Variants in PRDM16 observed in about 807,000 individuals in gnomAD.
PRDM16 encodes histone-lysine N-methyltransferase PRDM16.
A neutral mutation model predicts 110.6 loss-of-function variants in PRDM16; 23 were observed. The observed-to-expected ratio is 0.21, with a 90% CI of 0.15 to 0.29. The LOEUF (loss-of-function observed/expected upper bound fraction) is 0.29. PRDM16 is among the 10% of genes least tolerant of loss of function. PRDM16 has a pLI of 1.00. For missense variants in PRDM16, 1,615 were observed against 1,794.3 expected (o/e 0.90, Z 1.81); for synonymous variants, 799 against 781.8 (o/e 1.02, Z -0.37).
At chr1:3,277,289 C>T (rs549577798) in intron 3 of PRDM16, among the ~76,000 whole-genome samples, 23 of 152,322 alleles carry the variant, frequency 1.5e-4, no homozygotes, top group African/African-American at 5.1e-4. Context: ...CTGCGCCACC[C>T]GGGGATGGCA....
chr1:3,354,782 G>T (rs1278798679), intron 3 of PRDM16, among the ~76,000 whole-genome samples: 1 of 152,190 alleles, frequency 6.6e-6, no homozygotes, highest in Non-Finnish European at 1.5e-5. Context: ...CAGGCAAGAG[G>T]CTCCTGATAC....
At chr1:3,417,559 T>C (rs1284572721) in intron 10 of PRDM16, among the ~76,000 whole-genome samples, 2 of 152,224 alleles carry the variant, frequency 1.3e-5, no homozygotes, top group African/African-American at 4.8e-5. Flanking sequence ...GCAGTGAGGC[T>C]GGTTGCTAAA....
At chr1:3,170,977 C>G (rs765890489) in intron 1 of PRDM16, among the ~76,000 whole-genome samples, 5 of 152,250 alleles carry the variant, frequency 3.3e-5, no homozygotes, top group Non-Finnish European at 5.9e-5. Context: ...CTCCCCAGCC[C>G]GTCTTGGCTA....
chr1:3,165,615 T>C lies in PRDM16; in HGVS notation c.38-20510T>C, dbSNP rs76067783. Reference sequence around the variant, plus strand: ...CCCAGGGACAGGGACTCACCTGGGCTCAGGGACAGGGACTCACCTGGGCTC... The same window carrying C: ...CCCAGGGACAGGGACTCACCTGGGCCCAGGGACAGGGACTCACCTGGGCTC... On this transcript the variant is annotated intron_variant, in intron 1 of 16. Transcript: ENST00000270722. Among the ~76,000 whole-genome samples the C allele has an allele frequency of 4.9e-3, 523 of 107,792 alleles. 1 individual carries two copies. Among genetic ancestry groups the C allele is most frequent in the African/African-American group, 0.023 (425 of 18,650 alleles). 70.7% of individuals were successfully genotyped at this position (107,792 alleles called of 152,430 possible). A position where few individuals can be genotyped will look rare whatever the true frequency, so the allele number is the denominator to read the frequency against.
intron 1 of PRDM16, among the ~76,000 whole-genome samples, chr1:3,142,482 G>A (rs1478444436): frequency 6.6e-6 from 1 of 152,060 alleles, no homozygotes; most frequent in African/African-American, 2.4e-5. Flanking sequence ...ATTGCTCCTT[G>A]GTCTCGGGGC....
chr1:3,181,575 C>T (rs1569783670), intron 1 of PRDM16, among the ~76,000 whole-genome samples: 1 of 148,148 alleles, frequency 6.8e-6, no homozygotes, highest in East Asian at 2.1e-4. Flanking sequence ...CGCAGTCTTA[C>T]ACACGGTCTT....
chr1:3,396,400 G>T lies in PRDM16; in HGVS notation c.574-91G>T. On this transcript the variant is annotated intron_variant, in intron 4 of 16. Coordinates refer to ENST00000270722, the MANE Select transcript of PRDM16 (RefSeq NM_022114.4). ...GAAAATCAAGTGCAGGCCGAGCTGC[G>T]TCCACAGTGTGAGGGCTGAGTGTGC... 21 of 769,724 alleles carry T rather than the reference G, an allele frequency of 2.7e-5. 1 individual carries two copies. Among genetic ancestry groups the T allele is most frequent in the Non-Finnish European group, 3.5e-5 (15 of 433,674 alleles). The allele number at this position is 769,724 out of a possible 1,614,324, so 47.7% of individuals were successfully genotyped here.
intron 3 of PRDM16, among the ~76,000 whole-genome samples, chr1:3,251,305 A>AGGGGTGAGGG (rs1639925500): frequency 1.3e-5 from 2 of 150,848 alleles, no homozygotes; most frequent in Admixed American, 1.3e-4. Flanking sequence ...TGCGTGGTTC[A>AGGGGTGAGGG]GGGGTGAGGT....
In PRDM16 at chr1:3,255,201, A is replaced by G. The variant is rs1026471091; in HGVS notation, c.438+11064A>G. Among the ~76,000 whole-genome samples, 5 of 152,130 alleles carry G rather than the reference A, an allele frequency of 3.3e-5. No homozygotes were observed. Among genetic ancestry groups the G allele is most frequent in the Admixed American group, 1.3e-4 (2 of 15,270 alleles). On this transcript the variant is annotated intron_variant, in intron 3 of 16. Transcript: ENST00000270722. This position sits in a 1 kb window ranked among gnomAD's most constrained non-coding sequence, Gnocchi z 4.7. ...AAACGTTAGACCTAAAACCATAAAA[A>G]CCCTAGAAGAAAACCTAGGCATTAC...
rs1402038048 is a variant in PRDM16 at position 3,181,084 on chromosome 1, A to ACGGCCTTACACACGCAGTCTTACACG, written c.38-5011_38-4986dup. Reference sequence around the variant, plus strand: ...CGGTCTTACACACCCGGTCTTACACACGGCCTTACACACGCAGTCTTACAC... The same window carrying ACGGCCTTACACACGCAGTCTTACACG: ...CGGTCTTACACACCCGGTCTTACACACGGCCTTACACACGCAGTCTTACACGCGGCCTTACACACGCAGTCTTACAC... On this transcript the variant is annotated intron_variant, in intron 1 of 16. Coordinates refer to ENST00000270722, the MANE Select transcript of PRDM16 (RefSeq NM_022114.4). Among the ~76,000 whole-genome samples the ACGGCCTTACACACGCAGTCTTACACG allele has an allele frequency of 3.2e-3, 394 of 123,604 alleles. 7 individuals carry two copies. Among genetic ancestry groups the ACGGCCTTACACACGCAGTCTTACACG allele is most frequent in the Middle Eastern group, 0.021 (4 of 194 alleles). The allele number at this position is 123,604 out of a possible 152,430, so 81.1% of individuals were successfully genotyped here.
At chr1:3,204,862 C>T (rs1165352731) in intron 2 of PRDM16, among the ~76,000 whole-genome samples, 1 of 152,148 alleles carries the variant, frequency 6.6e-6, no homozygotes, top group Non-Finnish European at 1.5e-5. Flanking sequence ...GATAGGAGCC[C>T]AGCGGTTGGC....
chr1:3,379,292 C>T (rs1254438251), intron 3 of PRDM16, among the ~76,000 whole-genome samples: 3 of 31,642 alleles, frequency 9.5e-5, no homozygotes, highest in East Asian at 8.8e-4. Flanking sequence ...CCCAACACAC[C>T]CCTCCCAGCA....
At chr1:3,418,869 G>A in intron 12 of PRDM16, 125 bp downstream of exon 12, 3 of 734,562 alleles carry the variant, frequency 4.1e-6, no homozygotes, top group Non-Finnish European at 7.2e-6. Flanking sequence ...AGTGGGCAGG[G>A]CCGGGTGCTG....
intron 3 of PRDM16, among the ~76,000 whole-genome samples, chr1:3,292,129 A>G (rs2100361186): frequency 6.6e-6 from 1 of 152,364 alleles, no homozygotes; most frequent in South Asian, 2.1e-4. Flanking sequence ...CTGGCCTCTC[A>G]AGGTTGCACT....
At chr1:3,178,590 A>C (rs1644117026) in intron 1 of PRDM16, among the ~76,000 whole-genome samples, 1 of 152,082 alleles carries the variant, frequency 6.6e-6, no homozygotes, top group South Asian at 2.1e-4. Context: ...TTCAGTCCAC[A>C]TTTTCAGAGC....
At chr1:3,415,250 G>C (rs2100670842) in intron 10 of PRDM16, among the ~76,000 whole-genome samples, 1 of 152,328 alleles carries the variant, frequency 6.6e-6, no homozygotes, top group Admixed American at 6.5e-5. Context: ...CAGGTGGGCA[G>C]CATGGCCAGG....
intron 1 of PRDM16, among the ~76,000 whole-genome samples, chr1:3,118,993 G>T (rs1400208593): frequency 1.3e-5 from 2 of 152,220 alleles, no homozygotes; most frequent in African/African-American, 4.8e-5. Context: ...GGCCCACAGG[G>T]TTGCTTGACC....
At chr1:3,088,439 G>T (rs898298229) in intron 1 of PRDM16, among the ~76,000 whole-genome samples, 2 of 120,892 alleles carry the variant, frequency 1.7e-5, no homozygotes, top group African/African-American at 3.2e-5. Context: ...GAGATGCAGG[G>T]ATTCTTTTAT....
intron 1 of PRDM16, among the ~76,000 whole-genome samples, chr1:3,073,561 C>G (rs1202941124): frequency 6.6e-6 from 1 of 152,134 alleles, no homozygotes; most frequent in Non-Finnish European, 1.5e-5. Context: ...GGAAACTTCG[C>G]GAGCGAAGCC....
Sources: gnomAD v4.1 joint callset for allele counts (sites outside exome capture counted in the v4.1 genomes callset) on GRCh38, gnomAD v4.1.1 for gene constraint, Gnocchi (gnomAD v3.1) non-coding constraint, MANE v1.5 for transcripts, NCBI Gene and HGNC (gene_info 2026-07-23, HGNC 2026-07-21) for gene names.